USP22: variants seen among roughly 807,000 people sequenced by gnomAD.
USP22 encodes ubiquitin carboxyl-terminal hydrolase 22.
In USP22, 22 loss-of-function variants were observed where a neutral mutation model predicts 68.1. That is an observed-to-expected ratio of 0.32 (90% CI 0.23 to 0.46). The LOEUF is 0.46. Ranked by LOEUF, USP22 falls within the 20% of genes least tolerant of loss-of-function variation. The pLI is 1.00. For missense variants in USP22, 433 were observed against 695.8 expected, an observed-to-expected ratio of 0.62 and a Z score of 4.25; for synonymous variants, 279 against 274.2, an observed-to-expected ratio of 1.02 and a Z score of -0.17.
chr17:21,008,723 A>C (rs1295644592), intron 8 of USP22, among the ~76,000 whole-genome samples: 1 of 152,136 alleles, frequency 6.6e-6, no homozygotes, highest in Non-Finnish European at 1.5e-5. Context: ...GGACCGGGGT[A>C]AAGGGTACCT....
At chr17:21,029,376 G>A (rs540548019) in intron 1 of USP22, among the ~76,000 whole-genome samples, 1 of 152,288 alleles carries the variant, frequency 6.6e-6, no homozygotes, top group African/African-American at 2.4e-5. Flanking sequence ...GAATCCGTAA[G>A]TCCAGATTGA....
chr17:21,005,722 T>A (rs961558196), intron 10 of USP22, among the ~76,000 whole-genome samples: 1 of 152,180 alleles, frequency 6.6e-6, no homozygotes, highest in African/African-American at 2.4e-5. Context: ...AAAAGCAACA[T>A]GCTTTCCACG....
intron 9 of USP22, 29 bp from the exon 10 acceptor site, chr17:21,007,016 A>G: frequency 6.5e-7 from 1 of 1,550,230 alleles, no homozygotes; most frequent in Middle Eastern, 1.7e-4. Flanking sequence ...GACAGAGGGA[A>G]GAGGAAAGAA....
rs1597694781 is a variant in USP22 at position 21,020,162 on chromosome 17, A to G, written c.418+951T>C. ...TTGCTACCAGGGAGATCAGATGCTC[A>G]CCTGTCAACTGGGGTAAACCACACC... On this transcript the variant is annotated intron_variant, in intron 3 of 12. Coordinates refer to ENST00000261497, the MANE Select transcript of USP22 (RefSeq NM_015276.2). Among the ~76,000 whole-genome samples, 2 of 144,468 alleles carry G rather than the reference A, an allele frequency of 1.4e-5. 1 individual carries two copies. Among genetic ancestry groups the G allele is most frequent in the South Asian group, 4.4e-4 (2 of 4,498 alleles). 94.8% of individuals were successfully genotyped at this position (144,468 alleles called of 152,430 possible).
intron 10 of USP22, among the ~76,000 whole-genome samples, chr17:21,005,679 G>T (rs755233846): frequency 2.0e-5 from 3 of 152,206 alleles, no homozygotes; most frequent in Non-Finnish European, 4.4e-5. Flanking sequence ...GGACAGCCAT[G>T]AGAGGACACC....
chr17:21,034,185 C>T (rs968695838), intron 1 of USP22, among the ~76,000 whole-genome samples: 7 of 152,118 alleles, frequency 4.6e-5, no homozygotes, highest in African/African-American at 1.7e-4. Context: ...CCCTCAATCT[C>T]GGAGCCAAAA....
chr17:21,004,833 G>T, intron 11 of USP22, 95 bp downstream of exon 11: 2 of 1,420,654 alleles, frequency 1.4e-6, no homozygotes, highest in Non-Finnish European at 9.7e-7. Flanking sequence ...GGTCAGTGGC[G>T]GGGGATCCGC....
chr17:21,026,680 T>C (rs926294657), intron 2 of USP22, among the ~76,000 whole-genome samples: 5 of 151,372 alleles, frequency 3.3e-5, no homozygotes, highest in African/African-American at 1.2e-4. Flanking sequence ...TCAGACACAC[T>C]GTGTCCAGGC....
At chr17:21,016,912 C>T (rs928263206) in intron 5 of USP22, among the ~76,000 whole-genome samples, 2 of 152,144 alleles carry the variant, frequency 1.3e-5, no homozygotes, top group Non-Finnish European at 2.9e-5. Context: ...CTGTAATTTA[C>T]ACCTTAACAA....
intron 1 of USP22, among the ~76,000 whole-genome samples, chr17:21,031,358 C>T (rs1443922501): frequency 6.6e-6 from 1 of 152,234 alleles, no homozygotes; most frequent in Non-Finnish European, 1.5e-5. Flanking sequence ...ATATACTCAG[C>T]AGCGTGGATG....
intron 11 of USP22, 124 bp downstream of exon 11, chr17:21,004,784 CAGCCAATAGTGGAGCTGCGG>C: frequency 6.8e-6 from 1 of 146,920 alleles, no homozygotes; most frequent in South Asian, 1.8e-4. Flanking sequence ...GAGCTGCGGG[CAGCCAATAGTGGAGCTGCGG>C]GCAGCCAAGC....
chr17:21,034,398 G>A lies in USP22; in HGVS notation c.172-5724C>T, dbSNP rs183991350. On this transcript the variant is annotated intron_variant, in intron 1 of 12. Transcript: ENST00000261497. ...ACTACCAAAACCAGAAGGAAATTAC[G>A]TATGAAATATAAAATATCACAGCAG... 9.5e-4 allele frequency among the ~76,000 whole-genome samples: 145 copies of A among 152,268 alleles called. 1 individual carries two copies. Among genetic ancestry groups the A allele is most frequent in the African/African-American group, 3.0e-3 (125 of 41,562 alleles).
At chr17:21,014,549 C>T (rs1164493499) in intron 6 of USP22, among the ~76,000 whole-genome samples, 1 of 152,152 alleles carries the variant, frequency 6.6e-6, no homozygotes, top group African/African-American at 2.4e-5. Flanking sequence ...GAAAACAGAA[C>T]CCAAAGTCAC....
chr17:21,003,584 A>C (rs1330236102), intron 12 of USP22, among the ~76,000 whole-genome samples: 1 of 152,182 alleles, frequency 6.6e-6, no homozygotes, highest in East Asian at 1.9e-4. Flanking sequence ...AAGGAATGAA[A>C]CTGGAAAGGA....
In USP22 at chr17:21,000,011, T is replaced by A. The variant is rs1316944982; in HGVS notation, c.*3020A>T. 6.6e-6 allele frequency: 1 copy of A among 152,130 alleles called. No homozygotes were observed. Among genetic ancestry groups the A allele is most frequent in the Non-Finnish European group, 1.5e-5 (1 of 68,086 alleles). The allele number at this position is 152,130 out of a possible 1,614,324, so 9.4% of individuals were successfully genotyped here. ...GGAGGCCGCCCACACTCCCAGCACA[T>A]CACCTGCCTCAAAGCACTCCCTTCA... On this transcript the variant is annotated 3_prime_UTR_variant, in exon 13 of 13. Transcript: ENST00000261497.
At chr17:21,007,456 C>T (rs779981381) in intron 9 of USP22, among the ~76,000 whole-genome samples, 2 of 152,244 alleles carry the variant, frequency 1.3e-5, no homozygotes, top group Non-Finnish European at 2.9e-5. Flanking sequence ...TATGATCGCA[C>T]GCAGCCTGTG....
At chr17:21,003,097 A>C (rs1369738804) in intron 12 of USP22, 24 bp from the exon 13 acceptor site, 23 of 1,613,524 alleles carry the variant, frequency 1.4e-5, no homozygotes, top group East Asian at 2.2e-5. Flanking sequence ...GAGAGGGAGG[A>C]GGCTCACCTC....
chr17:21,017,802 T>C (rs1015886103), intron 5 of USP22, 140 bp downstream of exon 5: 2 of 1,097,616 alleles, frequency 1.8e-6, no homozygotes, highest in Admixed American at 5.8e-5. Context: ...TTTTCCATAA[T>C]AGACATGTAT....
At chr17:21,022,154 C>G (rs1005760690) in intron 2 of USP22, among the ~76,000 whole-genome samples, 2 of 152,030 alleles carry the variant, frequency 1.3e-5, no homozygotes, top group Non-Finnish European at 2.9e-5. Flanking sequence ...ATTCTTTTCA[C>G]AAATAAGAAG....
Sources: allele counts gnomAD v4.1 joint callset (sites outside exome capture counted in the v4.1 genomes callset), GRCh38; gene constraint gnomAD v4.1.1; transcripts MANE v1.5; gene names NCBI Gene and HGNC (gene_info 2026-07-23, HGNC 2026-07-21).